The following IGDCC3 variants were observed in gnomAD, a reference collection of about 807,000 sequenced individuals.
IGDCC3 encodes the protein immunoglobulin superfamily DCC subclass member 3.
A neutral mutation model predicts 72.0 loss-of-function variants in IGDCC3; 47 were observed. The observed-to-expected ratio is 0.65, with a 90% CI of 0.52 to 0.83. The LOEUF is 0.83. IGDCC3 is among the 40% of genes least tolerant of loss of function. IGDCC3 has a pLI of 0.00. For synonymous variants in IGDCC3, 477 were observed against 472.8 expected (o/e 1.01, Z -0.11); for missense variants, 1,038 against 1,091.3 (o/e 0.95, Z 0.69).
Position 65,331,555 on chromosome 15 carries a change from A to G in IGDCC3, c.1253T>C (p.Leu418Pro). 1 of 1,613,778 alleles carries G rather than the reference A, an allele frequency of 6.2e-7. No individual in the cohort carries two copies. The highest frequency in any genetic ancestry group is 1.1e-5 in the South Asian group (1 of 91,046). Residue 418 changes from leucine (L) to proline (P), a missense_variant, in exon 8 of 14, where the codon CTG becomes CCG. Transcript: ENST00000327987. Reference protein sequence around the residue: ...SSQASARLTVLWAEGLPGPPR... With the variant: ...SSQASARLTVPWAEGLPGPPR... ...AGGCCCGGGGAGCCCCTCAGCCCAC[A>G]GTACGGTCAGCCTGGCACTGGCCTG... is the stretch of plus-strand genomic sequence containing the variant.
intron 2 of IGDCC3, among the ~76,000 whole-genome samples, chr15:65,374,678 A>G (rs1348049755): frequency 6.6e-6 from 1 of 152,210 alleles, no homozygotes; most frequent in Non-Finnish European, 1.5e-5. Context: ...GCACATAATT[A>G]AAAATTGCAT....
At chr15:65,352,994 T>C (rs2140157197) in intron 2 of IGDCC3, among the ~76,000 whole-genome samples, 1 of 152,342 alleles carries the variant, frequency 6.6e-6, no homozygotes, top group Admixed American at 6.5e-5. Flanking sequence ...GGATGGGTAA[T>C]GTAAAACTCT....
chr15:65,341,763 A>T (rs1370638348), intron 2 of IGDCC3, among the ~76,000 whole-genome samples: 7 of 152,158 alleles, frequency 4.6e-5, no homozygotes, highest in Admixed American at 3.9e-4. Flanking sequence ...GGTAGCTACA[A>T]GCCACATGTG....
intron 2 of IGDCC3, among the ~76,000 whole-genome samples, chr15:65,336,957 C>G (rs2091034942): frequency 6.6e-6 from 1 of 152,120 alleles, no homozygotes; most frequent in African/African-American, 2.4e-5. Context: ...GGCAGGCAGC[C>G]CCTCGTCTCA....
chr15:65,329,751 A>C lies in IGDCC3; in HGVS notation c.1972T>G (p.Phe658Val). The change falls in exon 12 of 14, where the codon TTC becomes GTC. Residue 658 changes from phenylalanine (F) to valine (V), a missense_variant. Coordinates refer to ENST00000327987, the MANE Select transcript of IGDCC3 (RefSeq NM_004884.4). The surrounding 1 kb of genome is among the most constrained non-coding windows in gnomAD (Gnocchi z 4.1). ...GVTCIIFCVL[F>V]LLFGQRGRVL... ...CTGCCCCTTTGGCCGAACAGGAGGAAGAGGACACAGAAGATGATGCAAGTG... is the reference window on the plus strand; with the variant it reads ...CTGCCCCTTTGGCCGAACAGGAGGACGAGGACACAGAAGATGATGCAAGTG... The C allele has an allele frequency of 1.9e-6, 3 of 1,614,128 alleles. No homozygotes were observed. Among genetic ancestry groups the C allele is most frequent in the Non-Finnish European group, 1.7e-6 (2 of 1,180,026 alleles).
Position 65,330,613 on chromosome 15 carries a change from TCTTG to T in IGDCC3, c.1686_1689del (p.Ser562ArgfsTer30). The T allele has an allele frequency of 6.2e-7, 1 of 1,613,528 alleles. No individual in the cohort carries two copies. The highest frequency in any genetic ancestry group is 8.5e-7 in the Non-Finnish European group (1 of 1,179,930). On this transcript the variant is annotated frameshift_variant, in exon 10 of 14. Coordinates refer to ENST00000327987, the MANE Select transcript of IGDCC3 (RefSeq NM_004884.4). LOFTEE classifies it high-confidence loss of function. The stretch of plus-strand genomic sequence containing the variant: ...AGCAGGATGGGGCCGGTGAAGGAGG[TCTTG>T]CTTGCTGGGCGGTAAAACAGCTTGA...
chr15:65,359,376 A>C (rs2091246430), intron 2 of IGDCC3, among the ~76,000 whole-genome samples: 1 of 152,192 alleles, frequency 6.6e-6, no homozygotes, highest in Admixed American at 6.5e-5. Context: ...ACTGCAGGGA[A>C]GAGGCATGCT....
At position 65,335,302 on chromosome 15, in the gene IGDCC3, A is replaced by G. The variant is rs1261397306; in HGVS notation, c.674T>C (p.Leu225Pro). 1 of 1,610,934 alleles carries G rather than the reference A, an allele frequency of 6.2e-7. No individual in the cohort carries two copies. The highest frequency in any genetic ancestry group is 8.5e-7 in the Non-Finnish European group (1 of 1,178,406). ...ASIRISHGAR[L>P]TVSGSGSGAY... ...TGAAGGACCCTCACCTGACACAGTG[A>G]GCCTGGCCCCGTGGCTGATCCGGAT... Residue 225 changes from leucine (L) to proline (P), a missense_variant, in exon 4 of 14, where the codon CTC (leucine) becomes CCC (proline). Coordinates refer to ENST00000327987, the MANE Select transcript of IGDCC3 (RefSeq NM_004884.4).
At chr15:65,349,945 A>G (rs932130878) in intron 2 of IGDCC3, among the ~76,000 whole-genome samples, 3 of 152,092 alleles carry the variant, frequency 2.0e-5, no homozygotes, top group Non-Finnish European at 4.4e-5. Flanking sequence ...CCATCTAGGA[A>G]GTAAGTCGTT....
intron 1 of IGDCC3, 124 bp from the exon 2 acceptor site, chr15:65,375,526 T>C: frequency 1.4e-6 from 1 of 717,542 alleles, no homozygotes; most frequent in East Asian, 2.7e-5. Flanking sequence ...CATGTTTCTG[T>C]AATGTTAATA....
Position 65,375,225 on chromosome 15 carries a change from C to G in IGDCC3, c.281G>C (p.Gly94Ala). The change falls in exon 2 of 14, where the codon GGG becomes GCG. Residue 94 changes from glycine (G) to alanine (A), a missense_variant. Physicochemically the swap from Gly to Ala is moderately conservative, Grantham distance 60. Coordinates refer to ENST00000327987, the MANE Select transcript of IGDCC3 (RefSeq NM_004884.4). ...CCTGAAGTGACGGATCATCAAGGAC[C>G]CATTGGCCAGCAAGGTGGAGTGGGT... ...ESTHSTLLAN[G>A]SLMIRHFRLE... is the part of the protein sequence containing the mutation. 6.2e-7 allele frequency: 1 copy of G among 1,614,230 alleles called. No homozygotes were observed. The highest frequency in any genetic ancestry group is 8.5e-7 in the Non-Finnish European group (1 of 1,180,044).
At chr15:65,347,055 C>G (rs747199540) in intron 2 of IGDCC3, among the ~76,000 whole-genome samples, 11 of 152,316 alleles carry the variant, frequency 7.2e-5, no homozygotes, top group Non-Finnish European at 1.6e-4. Flanking sequence ...GGTCACCAAT[C>G]TTCCTTATGT....
At chr15:65,355,587 G>C (rs1185148381) in intron 2 of IGDCC3, 5 of 161,560 alleles carry the variant, frequency 3.1e-5, no homozygotes, top group Non-Finnish European at 6.8e-5. Context: ...AGCCGACCGG[G>C]CCGCGCGCCG....
chr15:65,372,496 T>C (rs1200888537), intron 2 of IGDCC3, among the ~76,000 whole-genome samples: 2 of 152,172 alleles, frequency 1.3e-5, no homozygotes, highest in Non-Finnish European at 2.9e-5. Context: ...GAGGACAGCA[T>C]CTGAACCCCC....
chr15:65,353,774 C>T (rs2091190767), intron 2 of IGDCC3, among the ~76,000 whole-genome samples: 1 of 151,808 alleles, frequency 6.6e-6, no homozygotes, highest in African/African-American at 2.4e-5. Flanking sequence ...CAGGAAGTTA[C>T]CCTATATAGC....
chr15:65,354,400 C>A (rs1288030560), intron 2 of IGDCC3, among the ~76,000 whole-genome samples: 1 of 152,168 alleles, frequency 6.6e-6, no homozygotes, highest in Non-Finnish European at 1.5e-5. Context: ...TCCACTGCCC[C>A]CTCTGCCTAC....
In IGDCC3 at chr15:65,331,406, G is replaced by C; in HGVS notation, c.1396+6C>G. The C allele has an allele frequency of 6.3e-7, 1 of 1,596,674 alleles. No individual in the cohort carries two copies. Among genetic ancestry groups the C allele is most frequent in the Non-Finnish European group, 8.6e-7 (1 of 1,169,200 alleles). On this transcript the variant is annotated splice_donor_region_variant and intron_variant, in intron 8 of 13. Transcript: ENST00000327987. ...AGGAAGGGGCAACAGAGCTGGCCAC[G>C]CGCACCAGCAGCCTTCCTGATGTGC...
intron 2 of IGDCC3, among the ~76,000 whole-genome samples, chr15:65,342,043 G>T (rs920007209): frequency 2.0e-5 from 3 of 151,786 alleles, no homozygotes; most frequent in Admixed American, 6.6e-5. Context: ...CCAAAGTGTT[G>T]GGATTAACAG....
At chr15:65,333,694 A>G (rs2090999663) in intron 5 of IGDCC3, among the ~76,000 whole-genome samples, 1 of 152,196 alleles carries the variant, frequency 6.6e-6, no homozygotes, top group South Asian at 2.1e-4. Context: ...CACAATCTGT[A>G]AAGGAGTCTG....
Sources: gnomAD v4.1 joint callset for allele counts (sites outside exome capture counted in the v4.1 genomes callset) on GRCh38, gnomAD v4.1.1 for gene constraint, Gnocchi (gnomAD v3.1) non-coding constraint, MANE v1.5 for transcripts, NCBI Gene and HGNC (gene_info 2026-07-23, HGNC 2026-07-21) for gene names.